MTMR7: variants seen among roughly 807,000 people sequenced by gnomAD.
The protein encoded by MTMR7 is myotubularin related protein 7.
In MTMR7, 76 loss-of-function variants were observed where a neutral mutation model predicts 81.2. The observed-to-expected ratio is 0.94, with a 90% CI of 0.78 to 1.13. The LOEUF (loss-of-function observed/expected upper bound fraction) is 1.13, where lower values mean the gene tolerates loss of function less well. Ranked by LOEUF, MTMR7 falls within the 50% of genes most tolerant of loss-of-function variation. MTMR7 has a pLI of 0.00. For missense variants in MTMR7, 1,044 were observed against 820.0 expected (o/e 1.27, Z -3.34); for synonymous variants, 372 against 289.8 (o/e 1.28, Z -2.88).
chr8:17,394,073 C>A (rs1045755175), intron 1 of MTMR7, among the ~76,000 whole-genome samples: 2 of 152,142 alleles, frequency 1.3e-5, no homozygotes, highest in Admixed American at 6.5e-5. Flanking sequence ...TATGGAGATA[C>A]TGGAACCCTC....
intron 4 of MTMR7, among the ~76,000 whole-genome samples, chr8:17,357,667 T>G (rs529305470): frequency 6.6e-6 from 1 of 152,340 alleles, no homozygotes; most frequent in South Asian, 2.1e-4. Context: ...TGACATTAAG[T>G]GAGGCCTTCC....
At chr8:17,344,337 C>G (rs1819492371) in intron 5 of MTMR7, among the ~76,000 whole-genome samples, 1 of 152,178 alleles carries the variant, frequency 6.6e-6, no homozygotes, top group African/African-American at 2.4e-5. Context: ...TAAAGCCAGG[C>G]ACAGTGGCTC....
At chr8:17,345,640 C>T (rs1307027587) in intron 5 of MTMR7, among the ~76,000 whole-genome samples, 1 of 152,194 alleles carries the variant, frequency 6.6e-6, no homozygotes, top group African/African-American at 2.4e-5. Flanking sequence ...AAAGTAATGG[C>T]AAAAACTGAA....
intron 7 of MTMR7, among the ~76,000 whole-genome samples, 171 bp downstream of exon 7, chr8:17,330,979 C>A (rs1234180536): frequency 6.6e-6 from 1 of 152,172 alleles, no homozygotes; most frequent in African/African-American, 2.4e-5. Flanking sequence ...CACAGTGATG[C>A]TTACAAATAA....
intron 4 of MTMR7, among the ~76,000 whole-genome samples, chr8:17,357,827 A>AT (rs774311585): frequency 6.6e-6 from 1 of 152,234 alleles, no homozygotes; most frequent in Non-Finnish European, 1.5e-5. Flanking sequence ...CAGCACATGG[A>AT]TCCCTGGCAT....
chr8:17,354,234 T>C (rs1220535612), intron 4 of MTMR7, among the ~76,000 whole-genome samples: 2 of 152,182 alleles, frequency 1.3e-5, no homozygotes, highest in Non-Finnish European at 2.9e-5. Flanking sequence ...GAGGAGGTTA[T>C]GAACAGGATA....
At chr8:17,308,491 T>G (rs1217467428) in intron 10 of MTMR7, among the ~76,000 whole-genome samples, 2 of 152,210 alleles carry the variant, frequency 1.3e-5, no homozygotes, top group African/African-American at 4.8e-5. Context: ...TACAAAAATA[T>G]ACTTGAGCAG....
At chr8:17,302,744 C>A (rs1211892171) in intron 12 of MTMR7, among the ~76,000 whole-genome samples, 14 of 111,952 alleles carry the variant, frequency 1.3e-4, no homozygotes, top group Non-Finnish European at 2.2e-4. Context: ...CAGAGTTTCG[C>A]TCTTGTCACC....
intron 1 of MTMR7, among the ~76,000 whole-genome samples, chr8:17,405,131 C>T (rs755001774): frequency 1.4e-4 from 22 of 152,198 alleles, no homozygotes; most frequent in South Asian, 6.2e-4. Flanking sequence ...GGATTACAGG[C>T]GTGAGCCACT....
chr8:17,340,716 T>A (rs1339845238), intron 6 of MTMR7, among the ~76,000 whole-genome samples: 1 of 124,770 alleles, frequency 8.0e-6, no homozygotes, highest in Non-Finnish European at 1.8e-5. Context: ...ACTAATAAAT[T>A]AATACATACA....
intron 4 of MTMR7, among the ~76,000 whole-genome samples, chr8:17,356,469 C>G (rs537604006): frequency 6.6e-6 from 1 of 152,012 alleles, no homozygotes; most frequent in African/African-American, 2.4e-5. Context: ...GAGGCAGAGG[C>G]GGGCAGATCA....
At chr8:17,372,413 C>A in intron 2 of MTMR7, among the ~76,000 whole-genome samples, 1 of 152,080 alleles carries the variant, frequency 6.6e-6, no homozygotes, top group East Asian at 1.9e-4. Flanking sequence ...TAGTGAAACC[C>A]TGCCTCTACT....
intron 3 of MTMR7, among the ~76,000 whole-genome samples, chr8:17,365,781 A>G (rs975642281): frequency 6.6e-6 from 1 of 152,256 alleles, no homozygotes; most frequent in Non-Finnish European, 1.5e-5. Flanking sequence ...ATTAAATCAT[A>G]TAACTAATGA....
Position 17,361,267 on chromosome 8 carries a change from A to G in MTMR7, c.318T>C (p.Tyr106=). The part of the protein sequence containing the change: ...SLIRLARPVK[Y]EELYCFSFNP... ...TGAATGAAAAGCAGTATAACTCCTC[A>G]TATTTCACTGCAAGAAAAGGTAGGA... Residue 106 remains tyrosine (Y), a synonymous_variant, in exon 4 of 14, where the codon TAT becomes TAC. Transcript: ENST00000180173. 6.2e-7 allele frequency: 1 copy of G among 1,614,130 alleles called. No homozygotes were observed. The highest frequency in any genetic ancestry group is 8.5e-7 in the Non-Finnish European group (1 of 1,179,978).
In MTMR7 at chr8:17,311,633, C is replaced by G. The variant is rs1353086612; in HGVS notation, c.979G>C (p.Val327Leu). 2 of 1,614,156 alleles carry G rather than the reference C, an allele frequency of 1.2e-6. No individual in the cohort carries two copies. The highest frequency in any genetic ancestry group is 2.2e-5 in the South Asian group (2 of 91,076). ...MDAGIFIAKA[V>L]SEEGASVLVH... ...AGCACACTTGCCCCTTCCTCTGACA[C>G]TGCCTAGAAAACACACGATCCGCAA... Residue 327 changes from valine (V) to leucine (L), a missense_variant, in exon 9 of 14, where the codon GTG becomes CTG. Val to Leu is a conservative substitution (Grantham distance 32, BLOSUM62 1). Coordinates refer to ENST00000180173, the MANE Select transcript of MTMR7 (RefSeq NM_004686.5).
Position 17,311,556 on chromosome 8 carries a change from T to C in MTMR7, c.1056A>G (p.Ala352=). Reference sequence around the variant, plus strand: ...GGTAGTGAGGGTCCAGCAGCAGGCTTGCCACCGAGCACACCTGAGCGGTCC... The same window carrying C: ...GGTAGTGAGGGTCCAGCAGCAGGCTCGCCACCGAGCACACCTGAGCGGTCC... ...WDRTAQVCSV[A]SLLLDPHYRT... The change falls in exon 9 of 14, where the codon GCA becomes GCG. Residue 352 remains alanine, a synonymous_variant. Coordinates refer to ENST00000180173, the MANE Select transcript of MTMR7 (RefSeq NM_004686.5). The C allele has an allele frequency of 6.2e-7, 1 of 1,614,032 alleles. No homozygotes were observed. Among genetic ancestry groups the C allele is most frequent in the Non-Finnish European group, 8.5e-7 (1 of 1,179,998 alleles).
At position 17,376,489 on chromosome 8, in the gene MTMR7, A is replaced by T. The variant is rs1485084192; in HGVS notation, c.25-3249T>A. Among the ~76,000 whole-genome samples the T allele has an allele frequency of 6.6e-5, 10 of 152,348 alleles. 1 individual carries two copies. The South Asian group carries it at 1.0e-3, about 16-fold the overall frequency. On this transcript the variant is annotated intron_variant, in intron 1 of 13. Transcript: ENST00000180173. ...TGCTGGGTCATTTGGTAAGTCATAT[A>T]GTAAGGCTTTTGAAGAGCTTCTGGA... is the stretch of plus-strand genomic sequence containing the variant.
chr8:17,308,555 T>C (rs556429778), intron 10 of MTMR7, among the ~76,000 whole-genome samples: 2 of 152,288 alleles, frequency 1.3e-5, no homozygotes, highest in African/African-American at 4.8e-5. Context: ...AAAATATATA[T>C]CAAACTAATG....
At chr8:17,352,850 G>A (rs947688458) in intron 4 of MTMR7, among the ~76,000 whole-genome samples, 8 of 152,256 alleles carry the variant, frequency 5.3e-5, no homozygotes, top group Admixed American at 4.6e-4. Context: ...TGTGGATGGG[G>A]ATATAAAATT....
Sources: gnomAD v4.1 joint callset for allele counts (sites outside exome capture counted in the v4.1 genomes callset) on GRCh38, gnomAD v4.1.1 for gene constraint, MANE v1.5 for transcripts, NCBI Gene and HGNC (gene_info 2026-07-23, HGNC 2026-07-21) for gene names.